The following DCC variants were observed in gnomAD, a reference collection of about 807,000 sequenced individuals.
DCC encodes the protein netrin receptor DCC.
Under a neutral mutation model 172.5 loss-of-function variants are expected in DCC, and 58 were observed. That is an observed-to-expected ratio of 0.34 (90% CI 0.27 to 0.42). The LOEUF is 0.42. Ranked by LOEUF, DCC falls within the 10% of genes least tolerant of loss-of-function variation. DCC has a pLI of 1.00. For synonymous variants in DCC, 709 were observed against 644.5 expected (o/e 1.10, Z -1.52); for missense variants, 1,740 against 1,791.0 (o/e 0.97, Z 0.51).
chr18:52,870,077 C>T (rs1014114636), intron 2 of DCC, among the ~76,000 whole-genome samples: 14 of 152,138 alleles, frequency 9.2e-5, no homozygotes, highest in Non-Finnish European at 1.8e-4. Context: ...CTTGGCCTAG[C>T]CCCATCACAG....
At chr18:53,278,733 A>T (rs936606342) in intron 12 of DCC, among the ~76,000 whole-genome samples, 34 of 152,154 alleles carry the variant, frequency 2.2e-4, no homozygotes, top group African/African-American at 8.0e-4. Flanking sequence ...AACAGGGTTG[A>T]TCATGTGCCA....
At chr18:52,906,371 G>A in intron 3 of DCC, 43 bp downstream of exon 3, 1 of 1,603,480 alleles carries the variant, frequency 6.2e-7, no homozygotes, top group Non-Finnish European at 8.5e-7. Flanking sequence ...ATATTCTCTG[G>A]AATAAGTTGA....
intron 5 of DCC, among the ~76,000 whole-genome samples, chr18:52,930,479 T>C (rs16955860): frequency 0.085 from 12,976 of 152,166 alleles, 915 homozygotes; most frequent in East Asian, 0.3. Flanking sequence ...ATCTTTGTCA[T>C]TTATTTGCTC....
intron 5 of DCC, among the ~76,000 whole-genome samples, chr18:52,967,252 G>A (rs1294661241): frequency 1.3e-5 from 2 of 152,036 alleles, no homozygotes; most frequent in African/African-American, 4.8e-5. Context: ...TTACTTCATG[G>A]CCTCATTCTT....
chr18:53,233,408 TAAAATCA>T (rs1291531893), intron 12 of DCC, among the ~76,000 whole-genome samples: 3 of 152,214 alleles, frequency 2.0e-5, no homozygotes, highest in African/African-American at 7.2e-5. Context: ...TCATTCAAAC[TAAAATCA>T]TATCAAGAAA....
At chr18:53,327,442 T>C (rs1479285902) in intron 14 of DCC, among the ~76,000 whole-genome samples, 1 of 152,134 alleles carries the variant, frequency 6.6e-6, no homozygotes, top group East Asian at 1.9e-4. Context: ...AGCTTGGAAA[T>C]CTGTTTATGA....
intron 5 of DCC, among the ~76,000 whole-genome samples, chr18:52,941,974 G>C (rs2040471106): frequency 6.6e-6 from 1 of 152,014 alleles, no homozygotes; most frequent in Non-Finnish European, 1.5e-5. Context: ...GTAGAGACAA[G>C]GTTTCACCAT....
chr18:53,209,360 C>T (rs1345251177), intron 11 of DCC, among the ~76,000 whole-genome samples: 1 of 152,122 alleles, frequency 6.6e-6, no homozygotes, highest in African/African-American at 2.4e-5. Context: ...GCGATAGGCC[C>T]TTGTGAATAT....
chr18:53,212,616 A>G (rs1004957740), intron 11 of DCC, among the ~76,000 whole-genome samples: 2 of 152,100 alleles, frequency 1.3e-5, no homozygotes, highest in African/African-American at 4.8e-5. Context: ...CTTCAATACC[A>G]TTACAAAAGG....
At chr18:53,335,097 G>A (rs1226420004) in intron 14 of DCC, among the ~76,000 whole-genome samples, 1 of 152,020 alleles carries the variant, frequency 6.6e-6, no homozygotes, top group Non-Finnish European at 1.5e-5. Flanking sequence ...TCTTACCCTT[G>A]ATGTTCCAGA....
chr18:52,433,345 A>G (rs542647812), intron 1 of DCC, among the ~76,000 whole-genome samples: 1 of 152,276 alleles, frequency 6.6e-6, no homozygotes, highest in Admixed American at 6.5e-5. Flanking sequence ...GTTCATTTGA[A>G]TATCATTTGG....
intron 2 of DCC, among the ~76,000 whole-genome samples, chr18:52,868,394 G>A (rs547802129): frequency 6.6e-6 from 1 of 152,276 alleles, no homozygotes; most frequent in African/African-American, 2.4e-5. Context: ...TGTTGCCACA[G>A]ACAGTTAAGT....
intron 2 of DCC, among the ~76,000 whole-genome samples, chr18:52,893,162 T>C (rs376955534): frequency 1.1e-4 from 16 of 152,098 alleles, no homozygotes; most frequent in African/African-American, 3.9e-4. Context: ...CATTTAGGCT[T>C]CTCCTTTTTT....
rs1390286339 is a variant in DCC, at chr18:52,705,839, T to C, written c.92-46215T>C. Reference sequence around the variant, plus strand: ...GATAAGTGAATTTATAATTCATTCATTGAATTTATAATTCATTCATTATAG... The same window carrying C: ...GATAAGTGAATTTATAATTCATTCACTGAATTTATAATTCATTCATTATAG... On this transcript the variant is annotated intron_variant, in intron 1 of 28. Coordinates refer to ENST00000442544, the MANE Select transcript of DCC (RefSeq NM_005215.4). Among the ~76,000 whole-genome samples, 5 of 152,328 alleles carry C rather than the reference T, an allele frequency of 3.3e-5. No individual in the cohort carries two copies. In the South Asian group the frequency reaches 1.0e-3, roughly 32 times the overall value.
intron 1 of DCC, among the ~76,000 whole-genome samples, chr18:52,696,417 C>T (rs2036012321): frequency 1.3e-5 from 2 of 152,110 alleles, no homozygotes; most frequent in Non-Finnish European, 2.9e-5. Flanking sequence ...TATGATCACC[C>T]CAAATTCTTA....
chr18:52,435,407 G>A (rs1244216237), intron 1 of DCC, among the ~76,000 whole-genome samples: 2 of 152,066 alleles, frequency 1.3e-5, no homozygotes, highest in Non-Finnish European at 2.9e-5. Flanking sequence ...GGGGTATGTA[G>A]TAAGATCTCC....
At chr18:53,305,219 GC>G (rs5825005) in intron 12 of DCC, among the ~76,000 whole-genome samples, 2,442 of 152,222 alleles carry the variant, frequency 0.016, 137 homozygotes, top group Admixed American at 0.11. Flanking sequence ...ATCCACTATA[GC>G]TCCCTCCGAT....
At chr18:52,565,586 G>A (rs935952096) in intron 1 of DCC, among the ~76,000 whole-genome samples, 1 of 152,168 alleles carries the variant, frequency 6.6e-6, no homozygotes, top group Non-Finnish European at 1.5e-5. Context: ...TTTCTCTAAT[G>A]ACGAGTGATA....
intron 2 of DCC, among the ~76,000 whole-genome samples, chr18:52,840,188 CT>C (rs1385301954): frequency 6.6e-6 from 1 of 152,172 alleles, no homozygotes; most frequent in Non-Finnish European, 1.5e-5. Flanking sequence ...CATTGCCCAA[CT>C]GTTCAATTCC....
Sources: allele counts gnomAD v4.1 joint callset (sites outside exome capture counted in the v4.1 genomes callset), GRCh38; gene constraint gnomAD v4.1.1; transcripts MANE v1.5; gene names NCBI Gene and HGNC (gene_info 2026-07-23, HGNC 2026-07-21).